MED13L: variants seen among roughly 807,000 people sequenced by gnomAD.
MED13L encodes the protein mediator complex subunit 13L.
Under a neutral mutation model 220.9 loss-of-function variants are expected in MED13L, and 7 were observed. That is an observed-to-expected ratio of 0.03 (90% CI 0.02 to 0.06). The LOEUF (loss-of-function observed/expected upper bound fraction) is 0.06, where lower values mean the gene tolerates loss of function less well. Ranked by LOEUF, MED13L falls within the 10% of genes least tolerant of loss-of-function variation. The pLI, the probability that MED13L is intolerant of heterozygous loss-of-function variation, is 1.00. For missense variants in MED13L, 1,965 were observed against 2,760.5 expected (o/e 0.71, Z 6.46); for synonymous variants, 1,011 against 1,015.2 (o/e 1.00, Z 0.08).
At chr12:116,076,382 C>A (rs1870803141) in intron 4 of MED13L, among the ~76,000 whole-genome samples, 1 of 151,936 alleles carries the variant, frequency 6.6e-6, no homozygotes, top group Admixed American at 6.6e-5. Flanking sequence ...ACAATAAATA[C>A]ACAAATTAGC....
intron 1 of MED13L, among the ~76,000 whole-genome samples, chr12:116,269,918 T>C (rs1347733850): frequency 1.3e-5 from 2 of 150,862 alleles, no homozygotes; most frequent in Non-Finnish European, 2.9e-5. Flanking sequence ...TCCTGTCATC[T>C]AGAAAGAAGT....
chr12:116,057,177 T>C (rs1336601145), intron 4 of MED13L, among the ~76,000 whole-genome samples: 5 of 152,110 alleles, frequency 3.3e-5, no homozygotes, highest in African/African-American at 9.7e-5. Context: ...ATAATTGTAG[T>C]AGAGTATTCC....
In MED13L at chr12:116,277,013, C is replaced by G. The variant is rs1444914392; in HGVS notation, c.72+47G>C. On this transcript the variant is annotated intron_variant, in intron 1 of 30. Coordinates refer to ENST00000281928, the MANE Select transcript of MED13L (RefSeq NM_015335.5). Reference sequence around the variant, plus strand: ...TGGTCGGCGGCGGAGGTCGGGGACCCCCCCCCTTCCCCGGCACAGCCCCCT... The same window carrying G: ...TGGTCGGCGGCGGAGGTCGGGGACCGCCCCCCTTCCCCGGCACAGCCCCCT... 20 of 1,284,202 alleles carry G rather than the reference C, an allele frequency of 1.6e-5. 1 individual carries two copies. The highest frequency in any genetic ancestry group is 2.0e-5 in the Admixed American group (1 of 50,816). The allele number at this position is 1,284,202 out of a possible 1,614,324, so 79.6% of individuals were successfully genotyped here. A position where few individuals can be genotyped will look rare whatever the true frequency, so the allele number is the denominator to read the frequency against.
intron 2 of MED13L, among the ~76,000 whole-genome samples, chr12:116,132,924 AAAGG>A (rs1876205186): frequency 6.6e-6 from 1 of 152,172 alleles, no homozygotes; most frequent in Non-Finnish European, 1.5e-5. Context: ...AAAAAAACAA[AAAGG>A]AAGGCGAAGG....
At chr12:116,268,921 T>G (rs1488250976) in intron 1 of MED13L, among the ~76,000 whole-genome samples, 1 of 152,228 alleles carries the variant, frequency 6.6e-6, no homozygotes, top group East Asian at 1.9e-4. Context: ...TTTCCTGCTT[T>G]ATCTTCTCCT....
chr12:115,990,014 G>A (rs1359213027), intron 17 of MED13L, among the ~76,000 whole-genome samples: 1 of 152,038 alleles, frequency 6.6e-6, no homozygotes, highest in African/African-American at 2.4e-5. Flanking sequence ...ATTGCTTTTT[G>A]CAGGAAGACC....
chr12:116,204,682 C>A (rs537486477), intron 2 of MED13L, among the ~76,000 whole-genome samples: 28 of 152,318 alleles, frequency 1.8e-4, no homozygotes, highest in Middle Eastern at 3.4e-3. Flanking sequence ...CTCCTTTGGT[C>A]TACCCCTATC....
rs760148177 is a variant in MED13L, at chr12:116,003,130, G to C, written c.2470-28C>G. On this transcript the variant is annotated intron_variant, in intron 13 of 30. Coordinates refer to ENST00000281928, the MANE Select transcript of MED13L (RefSeq NM_015335.5). ...AAGAACAGACGGTGTTATTAAAACA[G>C]AGTGACGTGTATATAAGTAGGGCAG... is the stretch of plus-strand genomic sequence containing the variant. 4.4e-6 allele frequency: 7 copies of C among 1,582,646 alleles called. No individual in the cohort carries two copies. In the South Asian group the frequency reaches 7.7e-5, roughly 18 times the overall value.
At chr12:116,105,838 G>T (rs761018879) in intron 3 of MED13L, among the ~76,000 whole-genome samples, 28 of 152,134 alleles carry the variant, frequency 1.8e-4, no homozygotes, top group South Asian at 6.2e-4. Flanking sequence ...TGTACCTTGG[G>T]TATCTTCCTA....
At chr12:116,135,519 C>T (rs1876462355) in intron 2 of MED13L, among the ~76,000 whole-genome samples, 1 of 152,210 alleles carries the variant, frequency 6.6e-6, no homozygotes, top group African/African-American at 2.4e-5. Flanking sequence ...CTATTATGCC[C>T]TTTCCAAATT....
chr12:115,963,939 T>A (rs78018434), intron 29 of MED13L, among the ~76,000 whole-genome samples: 10 of 151,868 alleles, frequency 6.6e-5, no homozygotes, highest in African/African-American at 2.4e-4. Flanking sequence ...TAAAAAAAAA[T>A]AGCTGGGCAT....
At chr12:116,132,629 G>C (rs1476633117) in intron 2 of MED13L, among the ~76,000 whole-genome samples, 1 of 151,864 alleles carries the variant, frequency 6.6e-6, no homozygotes, top group Non-Finnish European at 1.5e-5. Flanking sequence ...GAAAAGAAAG[G>C]GAAGAAACAG....
rs1276587952 is a variant in MED13L at position 116,022,618 on chromosome 12, G to A, written c.480-17C>T. On this transcript the variant is annotated splice_polypyrimidine_tract_variant and intron_variant, in intron 4 of 30. Transcript: ENST00000281928. ...AAATGCTCACTACAAAAGAGAGAAT[G>A]AGAAACTCAACTTTATATTTTGGTA... is the stretch of plus-strand genomic sequence containing the variant. 1 of 1,608,358 alleles carries A rather than the reference G, an allele frequency of 6.2e-7. No homozygotes were observed. Among genetic ancestry groups the A allele is most frequent in the Non-Finnish European group, 8.5e-7 (1 of 1,176,918 alleles).
At chr12:116,130,544 T>C (rs1201562492) in intron 2 of MED13L, among the ~76,000 whole-genome samples, 1 of 152,234 alleles carries the variant, frequency 6.6e-6, no homozygotes, top group African/African-American at 2.4e-5. Flanking sequence ...AAAAGGACTT[T>C]CTGGAAAGAA....
At chr12:116,008,054 C>A (rs1205187827) in intron 10 of MED13L, 15 of 333,132 alleles carry the variant, frequency 4.5e-5, no homozygotes, top group Non-Finnish European at 8.1e-5. Flanking sequence ...CAGGCAAAGC[C>A]TTCCTCAAAA....
At chr12:116,271,477 C>G (rs980262442) in intron 1 of MED13L, among the ~76,000 whole-genome samples, 2 of 151,832 alleles carry the variant, frequency 1.3e-5, no homozygotes, top group African/African-American at 4.8e-5. Flanking sequence ...GCCTGTAGTC[C>G]CAGCTACTCG....
At chr12:115,978,326 CTTTTTTTTTTTTT>C (rs60887652) in intron 23 of MED13L, among the ~76,000 whole-genome samples, 5 of 132,186 alleles carry the variant, frequency 3.8e-5, no homozygotes, top group Admixed American at 2.3e-4. Context: ...AATTTTTTTT[CTTTTTTTTTTTTT>C]TTTTGGAGAC....
chr12:116,127,806 G>A (rs879524632), intron 2 of MED13L, among the ~76,000 whole-genome samples: 2 of 152,034 alleles, frequency 1.3e-5, no homozygotes, highest in Admixed American at 6.5e-5. Flanking sequence ...AAGTCACATC[G>A]TAGCATCCTG....
chr12:116,166,094 T>C (rs1879248390), intron 2 of MED13L, among the ~76,000 whole-genome samples: 1 of 152,232 alleles, frequency 6.6e-6, no homozygotes, highest in Non-Finnish European at 1.5e-5. Flanking sequence ...TCAGGCGCAG[T>C]GGCTCATGCC....
Sources: allele counts gnomAD v4.1 joint callset (sites outside exome capture counted in the v4.1 genomes callset), GRCh38; gene constraint gnomAD v4.1.1; transcripts MANE v1.5; gene names NCBI Gene and HGNC (gene_info 2026-07-23, HGNC 2026-07-21).